Variants in ELMO2 observed in about 807,000 individuals in gnomAD.
ELMO2 encodes engulfment and cell motility 2.
ELMO2 carries 37 observed loss-of-function variants against 96.2 expected under a neutral mutation model. The ratio of observed to expected loss-of-function variants is 0.38; its 90% CI spans 0.30 to 0.51. The LOEUF (loss-of-function observed/expected upper bound fraction) is 0.51. Ranked by LOEUF, ELMO2 falls within the 20% of genes least tolerant of loss-of-function variation. The probability of loss-of-function intolerance (pLI) is 0.88; values close to 1 mark genes in which losing one functional copy is unlikely to be tolerated. For missense variants in ELMO2, 561 were observed against 912.6 expected (o/e 0.61, Z 4.96); for synonymous variants, 315 against 329.4 (o/e 0.96, Z 0.47).
Position 46,371,516 on chromosome 20 carries a change from G to C in ELMO2, c.1694-57C>G. 6.2e-7 allele frequency: 1 copy of C among 1,608,396 alleles called. No homozygotes were observed. Among genetic ancestry groups the C allele is most frequent in the East Asian group, 2.2e-5 (1 of 44,788 alleles). On this transcript the variant is annotated intron_variant, in intron 18 of 21. Transcript: ENST00000290246. This position sits in a 1 kb window ranked among gnomAD's most constrained non-coding sequence, Gnocchi z 5.9. ...AACGACAGTACTGGGAAAGGCCTGG[G>C]CACAAAAGGGGCCATCCAGGCAGGC...
In ELMO2 at chr20:46,392,579, GA is replaced by G. The variant is rs1488787935; in HGVS notation, c.243+513del. On this transcript the variant is annotated intron_variant, in intron 6 of 21. Transcript: ENST00000290246. ...CCCCAGTTTCCTTCTGGACAGAGTTGAAACCTACGAGTAGGCCATCAAGGAA... is the reference window on the plus strand; with the variant it reads ...CCCCAGTTTCCTTCTGGACAGAGTTGAACCTACGAGTAGGCCATCAAGGAA... Among the ~76,000 whole-genome samples, 23 of 152,294 alleles carry G rather than the reference GA, an allele frequency of 1.5e-4. 1 individual carries two copies. The South Asian group carries it at 2.7e-3, about 18-fold the overall frequency.
In ELMO2 at chr20:46,368,812, C is replaced by A. The variant is rs879225492; in HGVS notation, c.1962+79G>T. 9.3e-6 allele frequency: 14 copies of A among 1,507,582 alleles called. No individual in the cohort carries two copies. In the South Asian group the frequency reaches 1.2e-4, roughly 13 times the overall value. The allele number at this position is 1,507,582 out of a possible 1,614,324, so 93.4% of individuals were successfully genotyped here. ...GCAGCCACCCACCACAGGGGACTTT[C>A]CTGTTTTGCTCATTCCTGCCACCAA... On this transcript the variant is annotated intron_variant, in intron 21 of 21. Coordinates refer to ENST00000290246, the MANE Select transcript of ELMO2 (RefSeq NM_133171.5).
At chr20:46,394,555 G>A (rs2060211990) in intron 2 of ELMO2, 23 bp from the exon 3 acceptor site, 1 of 1,520,384 alleles carries the variant, frequency 6.6e-7, no homozygotes, top group Non-Finnish European at 9.1e-7. Flanking sequence ...AATCAGAAAG[G>A]TGGAAAAAGA....
At position 46,375,300 on chromosome 20, in the gene ELMO2, G is replaced by A; in HGVS notation, c.1001C>T (p.Pro334Leu). 1 of 1,614,136 alleles carries A rather than the reference G, an allele frequency of 6.2e-7. No individual in the cohort carries two copies. Among genetic ancestry groups the A allele is most frequent in the African/African-American group, 1.3e-5 (1 of 75,010 alleles). ...FDAESDPSNA[P>L]GSGTEKRKAM... is the part of the protein sequence containing the mutation. ...TTTGCGTTTTTCGGTCCCACTCCCA[G>A]GGGCATTGCTAGGATCAGACTCTGC... The change falls in exon 13 of 22, where the codon CCT becomes CTT. Residue 334 changes from proline to leucine, a missense_variant. Transcript: ENST00000290246. The surrounding 1 kb of genome is among the most constrained non-coding windows in gnomAD (Gnocchi z 4.6).
intron 10 of ELMO2, 139 bp from the exon 11 acceptor site, chr20:46,380,442 A>G: frequency 4.4e-6 from 3 of 686,882 alleles, no homozygotes; most frequent in Non-Finnish European, 7.9e-6. Context: ...AAGTGGGTGA[A>G]TGAACGAAAA....
chr20:46,404,984 T>C (rs756322810), intron 1 of ELMO2, among the ~76,000 whole-genome samples: 3 of 152,102 alleles, frequency 2.0e-5, no homozygotes, highest in Admixed American at 1.3e-4. Context: ...CCCCTGCAGG[T>C]AGGACATCAG....
At chr20:46,404,559 A>C (rs1471520781) in intron 1 of ELMO2, among the ~76,000 whole-genome samples, 3 of 152,286 alleles carry the variant, frequency 2.0e-5, no homozygotes, top group Admixed American at 6.5e-5. Flanking sequence ...GATATCAGTA[A>C]AGTGCAGATA....
chr20:46,385,682 A>G (rs1016428298), intron 9 of ELMO2, among the ~76,000 whole-genome samples: 1 of 152,228 alleles, frequency 6.6e-6, no homozygotes, highest in Non-Finnish European at 1.5e-5. Context: ...TTCAACAAGC[A>G]CTAATTGAGC....
Position 46,394,476 on chromosome 20 carries a change from G to C in ELMO2, c.7C>G (p.Pro3Ala). Residue 3 changes from proline to alanine, a missense_variant, in exon 3 of 22, where the codon CCA (proline) becomes GCA (alanine). Physicochemically the swap from Pro to Ala is conservative, Grantham distance 27 (BLOSUM62 -1). Coordinates refer to ENST00000290246, the MANE Select transcript of ELMO2 (RefSeq NM_133171.5). MP[P>A]PSDIVKVAIE... is the part of the protein sequence containing the mutation. ...GCCACTTTGACAATGTCTGACGGTGGTGGCATCGTTCCCAATGGGCTCTAA... is the reference window on the plus strand; with the variant it reads ...GCCACTTTGACAATGTCTGACGGTGCTGGCATCGTTCCCAATGGGCTCTAA... 2.5e-6 allele frequency: 4 copies of C among 1,614,222 alleles called. No homozygotes were observed. The South Asian group carries it at 3.3e-5, about 13-fold the overall frequency.
intron 13 of ELMO2, 144 bp from the exon 14 acceptor site, chr20:46,374,784 C>G (rs2059822716): frequency 2.9e-6 from 2 of 698,420 alleles, no homozygotes; most frequent in Non-Finnish European, 4.9e-6. Context: ...CCCATCACCA[C>G]CACTGAACTG....
chr20:46,384,635 T>C (rs1392776383), intron 9 of ELMO2, among the ~76,000 whole-genome samples: 4 of 152,022 alleles, frequency 2.6e-5, no homozygotes, highest in Admixed American at 6.5e-5. Context: ...CCTCTCACCT[T>C]AATCAACCTT....
chr20:46,397,943 T>C (rs904425136), intron 2 of ELMO2, among the ~76,000 whole-genome samples: 1 of 152,190 alleles, frequency 6.6e-6, no homozygotes, highest in African/African-American at 2.4e-5. Context: ...ACTTTCCAGA[T>C]TATGTGGCTA....
intron 6 of ELMO2, chr20:46,390,953 A>C (rs1275357325): frequency 1.3e-5 from 2 of 152,326 alleles, no homozygotes; most frequent in Non-Finnish European, 2.9e-5. Context: ...CAATCTGAAG[A>C]GCACTGGTCT....
At chr20:46,376,971 G>A in intron 11 of ELMO2, 1 of 403,246 alleles carries the variant, frequency 2.5e-6, no homozygotes, top group South Asian at 2.1e-5. Context: ...CTACAGCAAT[G>A]CAGATACGGA....
intron 1 of ELMO2, among the ~76,000 whole-genome samples, chr20:46,402,983 A>T (rs2060360540): frequency 1.3e-5 from 2 of 152,236 alleles, no homozygotes; most frequent in African/African-American, 2.4e-5. Flanking sequence ...CTTGGATCTT[A>T]GCACTAACGA....
chr20:46,389,812 G>A (rs1445469580), intron 6 of ELMO2, among the ~76,000 whole-genome samples: 2 of 152,196 alleles, frequency 1.3e-5, no homozygotes, highest in Non-Finnish European at 2.9e-5. Flanking sequence ...CTGCACCACT[G>A]CACTGCAGCC....
chr20:46,375,628 C>G lies in ELMO2; in HGVS notation c.930+40G>C. 6.2e-7 allele frequency: 1 copy of G among 1,613,398 alleles called. No homozygotes were observed. Among genetic ancestry groups the G allele is most frequent in the Non-Finnish European group, 8.5e-7 (1 of 1,179,438 alleles). ...GCACATAGACTAAGGCTGGACTGCACCACAGCCATGAGAAAACAGCTGCCC... is the reference window on the plus strand; with the variant it reads ...GCACATAGACTAAGGCTGGACTGCAGCACAGCCATGAGAAAACAGCTGCCC... On this transcript the variant is annotated intron_variant, in intron 12 of 21. Transcript: ENST00000290246. The surrounding 1 kb of genome is among the most constrained non-coding windows in gnomAD (Gnocchi z 4.6).
chr20:46,373,767 A>G (rs1690794708), intron 15 of ELMO2, among the ~76,000 whole-genome samples: 1 of 152,196 alleles, frequency 6.6e-6, no homozygotes, highest in South Asian at 2.1e-4. Context: ...ACCCACAGGC[A>G]TGGGGTAGCT....
intron 8 of ELMO2, 74 bp downstream of exon 8, chr20:46,387,264 G>T: frequency 2.3e-6 from 3 of 1,293,578 alleles, no homozygotes; most frequent in Non-Finnish European, 3.3e-6. Flanking sequence ...TGGCGATATT[G>T]CCTGTATCTC....
Sources: allele counts gnomAD v4.1 joint callset (sites outside exome capture counted in the v4.1 genomes callset), GRCh38; gene constraint gnomAD v4.1.1; non-coding constraint Gnocchi (gnomAD v3.1); transcripts MANE v1.5; gene names NCBI Gene and HGNC (gene_info 2026-07-23, HGNC 2026-07-21).